The following TMC5 variants were observed in gnomAD, a reference collection of about 807,000 sequenced individuals.
The protein encoded by TMC5 is transmembrane channel like 5, also known as transmembrane channel-like protein 5.
Under a neutral mutation model 110.5 loss-of-function variants are expected in TMC5, and 86 were observed. The ratio of observed to expected loss-of-function variants is 0.78; its 90% CI spans 0.65 to 0.93. The LOEUF (loss-of-function observed/expected upper bound fraction) is 0.93. TMC5 is among the 40% of genes least tolerant of loss of function. The pLI, the probability that TMC5 is intolerant of heterozygous loss-of-function variation, is 0.00. For missense variants in TMC5, 1,144 were observed against 1,222.8 expected (o/e 0.94, Z 0.96); for synonymous variants, 455 against 439.5 (o/e 1.04, Z -0.44).
At chr16:19,497,898 C>G (rs1306921344) in intron 21 of TMC5, 22 bp from the exon 22 acceptor site, 2 of 1,613,254 alleles carry the variant, frequency 1.2e-6, no homozygotes, top group Non-Finnish European at 1.7e-6. Context: ...GCGTTAACTT[C>G]TCTTTCCTGT....
intron 9 of TMC5, among the ~76,000 whole-genome samples, chr16:19,469,185 C>G (rs1475694450): frequency 2.6e-5 from 4 of 151,896 alleles, no homozygotes; most frequent in Admixed American, 2.0e-4. Context: ...GAAACCCTGC[C>G]TCTACTAAAA....
chr16:19,465,963 A>G (rs1968177610), intron 8 of TMC5, 119 bp from the exon 9 acceptor site: 7 of 1,048,102 alleles, frequency 6.7e-6, no homozygotes, highest in Admixed American at 3.1e-5. Context: ...GGAAAACAAA[A>G]TGTCTAAACT....
intron 2 of TMC5, among the ~76,000 whole-genome samples, chr16:19,434,148 T>C (rs1333180766): frequency 8.1e-6 from 1 of 122,768 alleles, no homozygotes; most frequent in Non-Finnish European, 1.6e-5. Flanking sequence ...ATATCTATAA[T>C]ATATAGATCT....
chr16:19,457,100 T>G (rs191344275), intron 5 of TMC5: 2 of 1,225,972 alleles, frequency 1.6e-6, no homozygotes, highest in Non-Finnish European at 2.3e-6. Context: ...TTTTTAGATA[T>G]CAAGTGGGGC....
intron 2 of TMC5, among the ~76,000 whole-genome samples, chr16:19,438,646 C>T (rs900637050): frequency 3.3e-5 from 5 of 151,996 alleles, no homozygotes; most frequent in African/African-American, 1.2e-4. Context: ...ACTCAGGAGG[C>T]TGAGGCAGGA....
chr16:19,487,163 G>A, intron 16 of TMC5, 30 bp from the exon 17 acceptor site: 2 of 1,606,176 alleles, frequency 1.2e-6, no homozygotes, highest in South Asian at 2.2e-5. Flanking sequence ...TCCGGCTGCA[G>A]ATGGGAGGTG....
Position 19,434,395 on chromosome 16 carries a change from A to ATATC in TMC5, c.-80+3755_-80+3756insTATC, listed in dbSNP as rs1567300681. On this transcript the variant is annotated intron_variant, in intron 2 of 21. Transcript: ENST00000542583. Reference sequence around the variant, plus strand: ...ATAGATCTATATATAATATAGATATAATATATATATCATATATATCTATAT... The same window carrying ATATC: ...ATAGATCTATATATAATATAGATATATATCATATATATATCATATATATCTATAT... 1.8e-3 allele frequency among the ~76,000 whole-genome samples: 12 copies of ATATC among 6,770 alleles called. No individual in the cohort carries two copies. The South Asian group carries it at 0.042, about 24-fold the overall frequency. 4.4% of individuals were successfully genotyped at this position (6,770 alleles called of 152,430 possible).
intron 4 of TMC5, among the ~76,000 whole-genome samples, chr16:19,445,601 C>G (rs1367332398): frequency 6.7e-6 from 1 of 149,014 alleles, no homozygotes; most frequent in Non-Finnish European, 1.5e-5. Flanking sequence ...TTTGATGGCA[C>G]AAGAGAAAAA....
intron 12 of TMC5, among the ~76,000 whole-genome samples, chr16:19,476,433 A>G (rs1020666496): frequency 6.6e-6 from 1 of 152,172 alleles, no homozygotes; most frequent in Non-Finnish European, 1.5e-5. Context: ...CCCACATCCC[A>G]GCCACCGATC....
At position 19,492,183 on chromosome 16, in the gene TMC5, G is replaced by A. The variant is rs1295856620; in HGVS notation, c.2781G>A (p.Glu927=). 3 of 1,613,686 alleles carry A rather than the reference G, an allele frequency of 1.9e-6. No homozygotes were observed. The highest frequency in any genetic ancestry group is 1.7e-5 in the Admixed American group (1 of 60,000). Residue 927 remains glutamate, a synonymous_variant, in exon 19 of 22, where the codon GAG becomes GAA. Transcript: ENST00000542583. ...CCTATCTTTACTGGCAGATCACAGA[G>A]GGAAGGAAGATTATGATAAGGCTGC... The part of the protein sequence containing the change: ...IITYLYWQIT[E]GRKIMIRLLH...
At chr16:19,464,314 C>T (rs775396237) in intron 8 of TMC5, among the ~76,000 whole-genome samples, 9 of 152,162 alleles carry the variant, frequency 5.9e-5, no homozygotes, top group African/African-American at 2.2e-4. Flanking sequence ...ATTCTGGCTA[C>T]TCAGGAGGCT....
At chr16:19,459,449 C>G (rs1243509162) in intron 5 of TMC5, among the ~76,000 whole-genome samples, 1 of 152,002 alleles carries the variant, frequency 6.6e-6, no homozygotes, top group Non-Finnish European at 1.5e-5. Flanking sequence ...TCTCTCGAAC[C>G]TGGGGTCAGG....
chr16:19,414,637 G>A (rs1256697218), upstream of TMC5, among the ~76,000 whole-genome samples: 1 of 152,160 alleles, frequency 6.6e-6, no homozygotes, highest in Non-Finnish European at 1.5e-5. Flanking sequence ...AAGAGACCAG[G>A]CACAGTGGCT....
chr16:19,496,218 A>G (rs992137622), intron 20 of TMC5, among the ~76,000 whole-genome samples: 1 of 152,148 alleles, frequency 6.6e-6, no homozygotes, highest in African/African-American at 2.4e-5. Flanking sequence ...AAGCACGTAC[A>G]TGACAATGTT....
At chr16:19,445,626 T>C (rs1967597413) in intron 4 of TMC5, among the ~76,000 whole-genome samples, 1 of 150,618 alleles carries the variant, frequency 6.6e-6, no homozygotes, top group Admixed American at 6.6e-5. Flanking sequence ...ATCCAGGCCA[T>C]GTTAAAGGAA....
chr16:19,441,446 A>G (rs1967489359), intron 3 of TMC5, among the ~76,000 whole-genome samples: 1 of 151,916 alleles, frequency 6.6e-6, no homozygotes, highest in African/African-American at 2.4e-5. Flanking sequence ...CAGCCTCCCA[A>G]GTAGCTGGGA....
chr16:19,495,357 G>A (rs1452917309), intron 20 of TMC5, among the ~76,000 whole-genome samples: 1 of 151,986 alleles, frequency 6.6e-6, no homozygotes, highest in Non-Finnish European at 1.5e-5. Context: ...CTAGGCATCT[G>A]CAAACATACC....
chr16:19,419,241 C>T (rs575511206), intron 1 of TMC5, among the ~76,000 whole-genome samples: 129 of 152,208 alleles, frequency 8.5e-4, no homozygotes, highest in Non-Finnish European at 7.4e-4. Context: ...AAGGGCATAG[C>T]CCTGTGCCTG....
chr16:19,440,901 G>A, intron 3 of TMC5, 75 bp downstream of exon 3: 1 of 1,488,922 alleles, frequency 6.7e-7, no homozygotes, highest in Non-Finnish European at 9.1e-7. Flanking sequence ...GAATTTGGTT[G>A]GTGTGGTTTA....
Sources: allele counts gnomAD v4.1 joint callset (sites outside exome capture counted in the v4.1 genomes callset), GRCh38; gene constraint gnomAD v4.1.1; transcripts MANE v1.5; gene names NCBI Gene and HGNC (gene_info 2026-07-23, HGNC 2026-07-21).